The following SNRPN variants were observed in gnomAD, a reference collection of about 807,000 sequenced individuals.
SNRPN encodes the protein small nuclear ribonucleoprotein polypeptide N.
A neutral mutation model predicts 25.2 loss-of-function variants in SNRPN; 7 were observed. The observed-to-expected ratio is 0.28, with a 90% CI of 0.16 to 0.52. The LOEUF is 0.52. SNRPN is among the 20% of genes least tolerant of loss of function. The probability of loss-of-function intolerance (pLI) is 0.96; values close to 1 mark genes in which losing one functional copy is unlikely to be tolerated. For missense variants in SNRPN, 196 were observed against 322.5 expected, an observed-to-expected ratio of 0.61 and a Z score of 3.00; for synonymous variants, 124 against 110.6, an observed-to-expected ratio of 1.12 and a Z score of -0.76.
rs373020274 is a variant in SNRPN, at chr15:24,862,175, T to A, written c.-579+5459T>A. ...AATTTGAAATAAAATAGACTAGAAATGATGAAATATGAGAACAACATTGGA... is the reference window on the plus strand; with the variant it reads ...AATTTGAAATAAAATAGACTAGAAAAGATGAAATATGAGAACAACATTGGA... On this transcript the variant is annotated intron_variant, in intron 1 of 11. Coordinates refer to the SNRPN transcript ENST00000400097. 1.5e-4 allele frequency among the ~76,000 whole-genome samples: 22 copies of A among 151,164 alleles called. No homozygotes were observed. In the South Asian group the frequency reaches 4.6e-3, roughly 31 times the overall value.
At chr15:24,909,861 G>A in intron 2 of SNRPN, 1 of 835,994 alleles carries the variant, frequency 1.2e-6, no homozygotes, top group African/African-American at 1.7e-5. Flanking sequence ...CAGCTCAACA[G>A]AGACCAGCAG....
chr15:24,877,179 T>C (rs1364817202), intron 1 of SNRPN, among the ~76,000 whole-genome samples: 1 of 152,198 alleles, frequency 6.6e-6, no homozygotes, highest in African/African-American at 2.4e-5. Flanking sequence ...AAAATTTTCG[T>C]ATTTTCAGAT....
chr15:24,904,384 G>A (rs1278586962), intron 2 of SNRPN, among the ~76,000 whole-genome samples: 2 of 152,214 alleles, frequency 1.3e-5, no homozygotes, highest in Non-Finnish European at 2.9e-5. Flanking sequence ...GCCGGCTACA[G>A]TGGCTAACGC....
chr15:24,909,107 A>G, intron 2 of SNRPN: 1 of 1,359,506 alleles, frequency 7.4e-7, no homozygotes, highest in Non-Finnish European at 1.0e-6. Flanking sequence ...TTCCTTATAC[A>G]TTTCCTCCAT....
chr15:24,963,156 G>C (rs1023880444), intron 2 of SNRPN, among the ~76,000 whole-genome samples: 1 of 152,144 alleles, frequency 6.6e-6, no homozygotes, highest in East Asian at 1.9e-4. Context: ...TCTGTATTTT[G>C]ACAATATGTC....
intron 2 of SNRPN, among the ~76,000 whole-genome samples, chr15:24,832,903 G>A (rs4414473): frequency 1.3e-5 from 2 of 151,734 alleles, no homozygotes; most frequent in Admixed American, 1.3e-4. Flanking sequence ...TCAGGAGATC[G>A]AGGCCATCCT....
At position 24,978,245 on chromosome 15, in the gene SNRPN, G is replaced by A; in HGVS notation, c.612G>A (p.Gly204=). 6.2e-7 allele frequency: 1 copy of A among 1,613,878 alleles called. No homozygotes were observed. The highest frequency in any genetic ancestry group is 8.5e-7 in the Non-Finnish European group (1 of 1,179,878). The change falls in exon 9 of 10, where the codon GGG becomes GGA. Residue 204 remains glycine, a synonymous_variant. Coordinates refer to ENST00000390687, the MANE Select transcript of SNRPN (RefSeq NM_003097.6). ...GACCACCCATGGGCCCACCAATTGG[G>A]CTTCCCCCTGCTCGAGGGACGCCAA... ...GMRPPMGPPI[G]LPPARGTPIG...
chr15:24,976,799 A>G, intron 6 of SNRPN, 78 bp from the exon 7 acceptor site: 1 of 1,304,956 alleles, frequency 7.7e-7, no homozygotes, highest in Non-Finnish European at 1.1e-6. Context: ...AATGGTGGAG[A>G]GAAGTGATCT....
Position 24,918,749 on chromosome 15 carries a change from A to T in SNRPN, c.-504-1262A>T, listed in dbSNP as rs1467155518. 2.0e-3 allele frequency among the ~76,000 whole-genome samples: 140 copies of T among 71,704 alleles called. 1 individual carries two copies. The highest frequency in any genetic ancestry group is 3.2e-3 in the South Asian group (5 of 1,570). The allele number at this position is 71,704 out of a possible 152,430, so 47.0% of individuals were successfully genotyped here. On this transcript the variant is annotated intron_variant, in intron 2 of 11. Transcript: ENST00000400097. ...ATATATGTGTGCATATATATAACAT[A>T]ATATATATGTGTGCATATATATATA...
intron 3 of SNRPN, among the ~76,000 whole-genome samples, chr15:24,949,168 C>T (rs951435622): frequency 2.6e-5 from 4 of 151,702 alleles, no homozygotes; most frequent in Non-Finnish European, 4.4e-5. Context: ...ATTGCAGGCA[C>T]GTGCCACCAC....
At chr15:24,956,653 C>A (rs2062961432) in intron 1 of SNRPN, among the ~76,000 whole-genome samples, 1 of 152,210 alleles carries the variant, frequency 6.6e-6, no homozygotes, top group African/African-American at 2.4e-5. Flanking sequence ...CCCTCCCCTT[C>A]ACCTGGCTGA....
intron 3 of SNRPN, among the ~76,000 whole-genome samples, chr15:24,933,575 C>G (rs550535312): frequency 2.0e-5 from 3 of 152,002 alleles, no homozygotes; most frequent in Non-Finnish European, 4.4e-5. Flanking sequence ...GTCAGGAGTT[C>G]GAGACCAGGC....
At chr15:24,949,392 G>A (rs979190056) in intron 3 of SNRPN, among the ~76,000 whole-genome samples, 1 of 152,126 alleles carries the variant, frequency 6.6e-6, no homozygotes, top group African/African-American at 2.4e-5. Flanking sequence ...CCTCATGTCT[G>A]CAATCCCAGT....
At position 24,976,381 on chromosome 15, in the gene SNRPN, G is replaced by A. The variant is rs2077059554; in HGVS notation, c.232G>A (p.Val78Ile). ...GGTGTTGCTGCGTGGGGAGAACTTG[G>A]TATCCATGACTGTGGAGGGGCCACC... ...GLVLLRGENL[V>I]SMTVEGPPPK... The change falls in exon 6 of 10, where the codon GTA (valine) becomes ATA (isoleucine). Residue 78 changes from valine to isoleucine, a missense_variant. Val to Ile is a conservative substitution (Grantham distance 29). Coordinates refer to ENST00000390687, the MANE Select transcript of SNRPN (RefSeq NM_003097.6). 6.2e-7 allele frequency: 1 copy of A among 1,613,050 alleles called. No homozygotes were observed. The highest frequency in any genetic ancestry group is 1.3e-5 in the African/African-American group (1 of 74,856).
chr15:24,945,055 A>G (rs2061789968), intron 3 of SNRPN, among the ~76,000 whole-genome samples: 1 of 152,168 alleles, frequency 6.6e-6, no homozygotes, highest in Non-Finnish European at 1.5e-5. Flanking sequence ...TTAATGTTTG[A>G]CCAAATATCT....
intron 1 of SNRPN, among the ~76,000 whole-genome samples, chr15:24,870,064 A>T (rs1181403688): frequency 6.6e-6 from 1 of 152,148 alleles, no homozygotes; most frequent in Non-Finnish European, 1.5e-5. Flanking sequence ...CTCCCATATC[A>T]TTTTGAAATA....
chr15:24,906,338 G>T (rs974678484), intron 2 of SNRPN, among the ~76,000 whole-genome samples: 1 of 152,028 alleles, frequency 6.6e-6, no homozygotes, highest in Non-Finnish European at 1.5e-5. Context: ...TTGCCTTGTT[G>T]CCCAGGCTGG....
chr15:24,877,660 A>G (rs1214691137), intron 1 of SNRPN, among the ~76,000 whole-genome samples: 1 of 80,368 alleles, frequency 1.2e-5, no homozygotes, highest in East Asian at 3.5e-4. Flanking sequence ...CATCTCTACA[A>G]AACACACACA....
chr15:24,916,356 G>A (rs1259789006), intron 2 of SNRPN, among the ~76,000 whole-genome samples: 2 of 152,078 alleles, frequency 1.3e-5, no homozygotes, highest in South Asian at 4.1e-4. Context: ...GAGAGACAAA[G>A]ACAGAGACAG....
Sources: gnomAD v4.1 joint callset for allele counts (sites outside exome capture counted in the v4.1 genomes callset) on GRCh38, gnomAD v4.1.1 for gene constraint, MANE v1.5 for transcripts, NCBI Gene and HGNC (gene_info 2026-07-23, HGNC 2026-07-21) for gene names.